The following FNIP1 variants were observed in gnomAD, a reference collection of about 807,000 sequenced individuals.
FNIP1 encodes folliculin interacting protein 1.
FNIP1 carries 40 observed loss-of-function variants against 124.5 expected under a neutral mutation model. That is an observed-to-expected ratio of 0.32 (90% confidence interval 0.25 to 0.42). FNIP1 has a LOEUF of 0.42. Among genes scored for constraint, FNIP1 ranks in the 10% least tolerant of loss-of-function variants. FNIP1 has a pLI of 1.00. For missense variants in FNIP1, 1,176 were observed against 1,403.7 expected (o/e 0.84, Z 2.59); for synonymous variants, 472 against 470.6 (o/e 1.00, Z -0.04).
intron 11 of FNIP1, among the ~76,000 whole-genome samples, chr5:131,686,210 C>T (rs901226598): frequency 2.0e-5 from 3 of 152,190 alleles, no homozygotes; most frequent in African/African-American, 7.2e-5. Flanking sequence ...TATTTCAATA[C>T]AAAACTGCTC....
chr5:131,766,869 T>G lies in FNIP1; in HGVS notation c.93-22179A>C, dbSNP rs373532978. Among the ~76,000 whole-genome samples the G allele has an allele frequency of 5.5e-4, 84 of 152,184 alleles. No individual in the cohort carries two copies. The East Asian group carries it at 9.7e-3, about 18-fold the overall frequency. On this transcript the variant is annotated intron_variant, in intron 1 of 17. Coordinates refer to ENST00000510461, the MANE Select transcript of FNIP1 (RefSeq NM_133372.3). Reference sequence around the variant, plus strand: ...AGAAGAAAGACAGAGGAAATCCCATTTCCTCTGCCTTTTTTTTGTTCTGTC... The same window carrying G: ...AGAAGAAAGACAGAGGAAATCCCATGTCCTCTGCCTTTTTTTTGTTCTGTC...
chr5:131,761,777 G>A (rs183249585), intron 1 of FNIP1, among the ~76,000 whole-genome samples: 19 of 151,802 alleles, frequency 1.3e-4, no homozygotes, highest in East Asian at 7.7e-4. Context: ...AAATTCATAC[G>A]GAACCACAAA....
chr5:131,696,854 A>G (rs867487420), intron 11 of FNIP1, among the ~76,000 whole-genome samples: 3 of 152,082 alleles, frequency 2.0e-5, no homozygotes, highest in Non-Finnish European at 4.4e-5. Flanking sequence ...CTAGCTTTTC[A>G]TATCTTTTAT....
At position 131,642,468 on chromosome 5, in the gene FNIP1, A is replaced by C. The variant is rs1766744123; in HGVS notation, c.*2217T>G. The C allele has an allele frequency of 6.6e-6, 1 of 152,298 alleles. No individual in the cohort carries two copies. The highest frequency in any genetic ancestry group is 2.4e-5 in the African/African-American group (1 of 41,440). The allele number at this position is 152,298 out of a possible 1,614,324, so 9.4% of individuals were successfully genotyped here. On this transcript the variant is annotated 3_prime_UTR_variant, in exon 18 of 18. Transcript: ENST00000510461. ...AGCATGAGCCACCCACTTATTGAGGACTAGAATTTCTAAACGGTAATTAAA... is the reference window on the plus strand; with the variant it reads ...AGCATGAGCCACCCACTTATTGAGGCCTAGAATTTCTAAACGGTAATTAAA...
intron 15 of FNIP1, among the ~76,000 whole-genome samples, chr5:131,658,488 G>GT (rs1767278024): frequency 6.6e-6 from 1 of 151,904 alleles, no homozygotes; most frequent in African/African-American, 2.4e-5. Flanking sequence ...CAGTGTACAG[G>GT]TAAGCCCTGG....
chr5:131,717,311 A>G (rs1236210653), intron 5 of FNIP1, among the ~76,000 whole-genome samples: 1 of 152,198 alleles, frequency 6.6e-6, no homozygotes, highest in African/African-American at 2.4e-5. Context: ...TACAAAGGAC[A>G]TGAACTCATC....
In FNIP1 at chr5:131,796,727, G is replaced by T. The variant is rs937915960; in HGVS notation, c.92+103C>A. 1.0e-5 allele frequency: 11 copies of T among 1,091,194 alleles called. No homozygotes were observed. In the African/African-American group the frequency reaches 1.8e-4, roughly 18 times the overall value. 67.6% of individuals were successfully genotyped at this position (1,091,194 alleles called of 1,614,324 possible). Reference sequence around the variant, plus strand: ...CCGAGGACCAGATGCTGCTCTCGGCGCGGCGCTTCCGCTCGGGTCGGAACA... The same window carrying T: ...CCGAGGACCAGATGCTGCTCTCGGCTCGGCGCTTCCGCTCGGGTCGGAACA... On this transcript the variant is annotated intron_variant, in intron 1 of 17. Coordinates refer to ENST00000510461, the MANE Select transcript of FNIP1 (RefSeq NM_133372.3).
intron 3 of FNIP1, among the ~76,000 whole-genome samples, chr5:131,726,957 T>C (rs1038335404): frequency 6.6e-6 from 1 of 152,158 alleles, no homozygotes; most frequent in African/African-American, 2.4e-5. Flanking sequence ...AGTTGTGTAG[T>C]TTGAGTGAGT....
chr5:131,767,776 C>T (rs1771489216), intron 1 of FNIP1, among the ~76,000 whole-genome samples: 1 of 152,102 alleles, frequency 6.6e-6, no homozygotes, highest in African/African-American at 2.4e-5. Context: ...AAAATAATTC[C>T]ATGACTGATT....
At chr5:131,772,561 A>G (rs1465697430) in intron 1 of FNIP1, among the ~76,000 whole-genome samples, 1 of 152,150 alleles carries the variant, frequency 6.6e-6, no homozygotes, top group South Asian at 2.1e-4. Context: ...AAGTACAACT[A>G]AATTTCTCTA....
chr5:131,725,562 G>A (rs1292105582), intron 3 of FNIP1, among the ~76,000 whole-genome samples: 1 of 152,234 alleles, frequency 6.6e-6, no homozygotes, highest in Admixed American at 6.5e-5. Context: ...TTGAGACTTT[G>A]CTGAAGTTGC....
Position 131,719,065 on chromosome 5 carries a change from GAAGAAA to G in FNIP1, c.456-11_456-6del. The G allele has an allele frequency of 6.2e-7, 1 of 1,612,846 alleles. No individual in the cohort carries two copies. Among genetic ancestry groups the G allele is most frequent in the East Asian group, 2.2e-5 (1 of 44,858 alleles). On this transcript the variant is annotated splice_region_variant and splice_polypyrimidine_tract_variant and intron_variant, in intron 4 of 17. Transcript: ENST00000510461. ...AGCATGAGCTGTGGAGGGGAACTAT[GAAGAAA>G]AAGAGAAAGAGAGAGACCAAAACTA...
chr5:131,770,768 T>G (rs1339796706), intron 1 of FNIP1, among the ~76,000 whole-genome samples: 1 of 152,210 alleles, frequency 6.6e-6, no homozygotes, highest in African/African-American at 2.4e-5. Context: ...ACCCTTAGAA[T>G]GTGCATCACA....
At chr5:131,675,563 T>C (rs905991818) in intron 13 of FNIP1, among the ~76,000 whole-genome samples, 2 of 152,168 alleles carry the variant, frequency 1.3e-5, no homozygotes, top group African/African-American at 2.4e-5. Flanking sequence ...CATTAATACA[T>C]ACAAAATAGG....
intron 1 of FNIP1, among the ~76,000 whole-genome samples, chr5:131,778,759 A>G (rs1246644906): frequency 1.6e-5 from 2 of 123,872 alleles, no homozygotes; most frequent in Non-Finnish European, 3.3e-5. Context: ...ATGTCCAACA[A>G]TGATAGACTG....
chr5:131,688,698 C>A (rs1225815833), intron 11 of FNIP1, among the ~76,000 whole-genome samples: 6 of 83,758 alleles, frequency 7.2e-5, no homozygotes, highest in Admixed American at 3.0e-4. Flanking sequence ...GAAATGCTAG[C>A]AATTAAAAAA....
chr5:131,738,008 G>A (rs980421369), intron 2 of FNIP1, among the ~76,000 whole-genome samples: 1 of 152,166 alleles, frequency 6.6e-6, no homozygotes, highest in Non-Finnish European at 1.5e-5. Context: ...CAGATCAGCA[G>A]ACATTAGTTT....
chr5:131,734,529 C>A (rs929736082), intron 2 of FNIP1, among the ~76,000 whole-genome samples: 10 of 152,126 alleles, frequency 6.6e-5, no homozygotes, highest in Admixed American at 3.3e-4. Context: ...AGGCAACCTA[C>A]AGAATGGGAG....
At chr5:131,781,455 C>A (rs749484288) in intron 1 of FNIP1, among the ~76,000 whole-genome samples, 2 of 152,182 alleles carry the variant, frequency 1.3e-5, no homozygotes, top group Non-Finnish European at 2.9e-5. Context: ...GCTGACTCTC[C>A]TGTTAGGGGC....
Sources: gnomAD v4.1 joint callset for allele counts (sites outside exome capture counted in the v4.1 genomes callset) on GRCh38, gnomAD v4.1.1 for gene constraint, MANE v1.5 for transcripts, NCBI Gene and HGNC (gene_info 2026-07-23, HGNC 2026-07-21) for gene names.